Variants in LIMS1 observed in about 807,000 individuals in gnomAD.
LIMS1 encodes the protein LIM zinc finger domain containing 1.
A neutral mutation model predicts 44.1 loss-of-function variants in LIMS1; 18 were observed. The observed-to-expected ratio is 0.41, with a 90% CI of 0.28 to 0.61. The LOEUF (loss-of-function observed/expected upper bound fraction) is 0.61. Among genes scored for constraint, LIMS1 ranks in the 20% least tolerant of loss-of-function variants. LIMS1 has a pLI of 0.32. For synonymous variants in LIMS1, 93 were observed against 149.1 expected, an observed-to-expected ratio of 0.62 and a Z score of 2.74; for missense variants, 201 against 422.0, an observed-to-expected ratio of 0.48 and a Z score of 4.59.
intron 1 of LIMS1, among the ~76,000 whole-genome samples, chr2:108,536,750 T>G (rs948086155): frequency 6.6e-6 from 1 of 152,058 alleles, no homozygotes; most frequent in African/African-American, 2.4e-5. Flanking sequence ...CTGGATAATT[T>G]TTGTATTTTT....
chr2:108,592,278 G>A (rs1686444493), intron 1 of LIMS1, among the ~76,000 whole-genome samples: 1 of 152,150 alleles, frequency 6.6e-6, no homozygotes, highest in African/African-American at 2.4e-5. Context: ...AGGATGAAAT[G>A]TTGATGTCCT....
At chr2:108,668,051 G>A (rs1026208976) in intron 2 of LIMS1, among the ~76,000 whole-genome samples, 4 of 151,870 alleles carry the variant, frequency 2.6e-5, no homozygotes, top group Non-Finnish European at 4.4e-5. Flanking sequence ...GCTGTTTTGT[G>A]GTCATTTTGT....
intron 1 of LIMS1, among the ~76,000 whole-genome samples, chr2:108,559,044 C>T (rs1685024745): frequency 6.6e-6 from 1 of 152,190 alleles, no homozygotes; most frequent in African/African-American, 2.4e-5. Context: ...CTGATTCCCA[C>T]CGTTAGGGCA....
At chr2:108,668,941 C>G (rs1223209720) in intron 2 of LIMS1, among the ~76,000 whole-genome samples, 3 of 152,052 alleles carry the variant, frequency 2.0e-5, no homozygotes, top group East Asian at 3.8e-4. Context: ...CTTTAAAAAC[C>G]AAATACATTA....
intron 1 of LIMS1, among the ~76,000 whole-genome samples, chr2:108,597,346 G>C (rs1247239734): frequency 6.6e-6 from 1 of 152,158 alleles, no homozygotes; most frequent in Non-Finnish European, 1.5e-5. Flanking sequence ...CATGCCCCCA[G>C]TGCAGCCACA....
At chr2:108,601,760 A>G (rs190072722) in intron 1 of LIMS1, among the ~76,000 whole-genome samples, 80 of 152,316 alleles carry the variant, frequency 5.3e-4, no homozygotes, top group Admixed American at 1.6e-3. Flanking sequence ...CAGGTGATCC[A>G]CCCACCTTGG....
chr2:108,575,727 A>G (rs1382277648), intron 1 of LIMS1, among the ~76,000 whole-genome samples: 2 of 152,092 alleles, frequency 1.3e-5, no homozygotes, highest in Non-Finnish European at 2.9e-5. Context: ...AAAGTATTTT[A>G]TGTTTTGATT....
intron 1 of LIMS1, among the ~76,000 whole-genome samples, chr2:108,535,313 A>C (rs958500491): frequency 1.3e-5 from 2 of 152,234 alleles, no homozygotes; most frequent in East Asian, 1.9e-4. Flanking sequence ...ATTCTTTATT[A>C]CTACACCAAA....
At chr2:108,609,721 G>C (rs991293561) in intron 1 of LIMS1, among the ~76,000 whole-genome samples, 1 of 152,206 alleles carries the variant, frequency 6.6e-6, no homozygotes, top group African/African-American at 2.4e-5. Flanking sequence ...CAGGAGTCCT[G>C]ACCTGATGCC....
At chr2:108,564,276 A>G (rs1685220443) in intron 1 of LIMS1, among the ~76,000 whole-genome samples, 2 of 152,194 alleles carry the variant, frequency 1.3e-5, no homozygotes, top group South Asian at 4.1e-4. Context: ...CTTTTTAGAC[A>G]TAATACTCTT....
chr2:108,594,522 G>A (rs1346917885), intron 1 of LIMS1, among the ~76,000 whole-genome samples: 1 of 152,090 alleles, frequency 6.6e-6, no homozygotes, highest in Admixed American at 6.5e-5. Flanking sequence ...ACAGGAGATC[G>A]TTTGAAATGA....
At chr2:108,534,119 C>T (rs1573276599), upstream of LIMS1, 1 of 153,872 alleles carries the variant, frequency 6.5e-6, no homozygotes, top group Middle Eastern at 3.3e-3. Context: ...GGAACTCGGC[C>T]CCCGAGCCGC....
At chr2:108,677,878 A>G (rs1278053325) in intron 7 of LIMS1, 101 bp from the exon 8 acceptor site, 3 of 1,515,972 alleles carry the variant, frequency 2.0e-6, no homozygotes, top group African/African-American at 1.4e-5. Flanking sequence ...TTTCTCTAGT[A>G]GTGATAAATC....
At chr2:108,650,724 C>T (rs1255671240) in intron 1 of LIMS1, among the ~76,000 whole-genome samples, 1 of 152,206 alleles carries the variant, frequency 6.6e-6, no homozygotes, top group Non-Finnish European at 1.5e-5. Context: ...CTGCACCTGA[C>T]CACCACCTAA....
chr2:108,534,609 G>T lies in LIMS1; in HGVS notation c.32+15G>T. ...ATGACCCACAGGTACGGGCCGCACC[G>T]CGCGGCCCCCGCCACGTCCGCCCCG... On this transcript the variant is annotated intron_variant, in intron 1 of 9. Coordinates refer to ENST00000544547, the Ensembl canonical transcript of LIMS1. The T allele has an allele frequency of 2.7e-6, 3 of 1,128,378 alleles. No homozygotes were observed. Among genetic ancestry groups the T allele is most frequent in the Non-Finnish European group, 2.2e-6 (2 of 916,866 alleles). 69.9% of individuals were successfully genotyped at this position (1,128,378 alleles called of 1,614,324 possible). A position where few individuals can be genotyped will look rare whatever the true frequency, so the allele number is the denominator to read the frequency against.
intron 2 of LIMS1, among the ~76,000 whole-genome samples, chr2:108,668,639 T>C (rs1485141110): frequency 6.6e-6 from 1 of 152,170 alleles, no homozygotes; most frequent in East Asian, 1.9e-4. Flanking sequence ...TGCTTCCAAA[T>C]CTTGGCTGTT....
intron 2 of LIMS1, among the ~76,000 whole-genome samples, chr2:108,665,647 C>T (rs1490925284): frequency 6.6e-6 from 1 of 152,128 alleles, no homozygotes; most frequent in Non-Finnish European, 1.5e-5. Flanking sequence ...CTGCCTCAGC[C>T]TCCTCAGTAG....
chr2:108,672,091 C>T (rs1376956596), intron 3 of LIMS1, among the ~76,000 whole-genome samples: 1 of 150,248 alleles, frequency 6.7e-6, no homozygotes, highest in Non-Finnish European at 1.5e-5. Flanking sequence ...CGCTTGAACC[C>T]GGGAGGCAGA....
At chr2:108,570,765 T>C (rs1406608711) in intron 1 of LIMS1, among the ~76,000 whole-genome samples, 5 of 151,990 alleles carry the variant, frequency 3.3e-5, no homozygotes, top group Admixed American at 3.3e-4. Flanking sequence ...CTGAGAGTGG[T>C]TGTGAGCAGC....
Sources: allele counts gnomAD v4.1 joint callset (sites outside exome capture counted in the v4.1 genomes callset), GRCh38; gene constraint gnomAD v4.1.1; transcripts MANE v1.5; gene names NCBI Gene and HGNC (gene_info 2026-07-23, HGNC 2026-07-21).